NCL: variants seen among roughly 807,000 people sequenced by gnomAD.
NCL encodes nucleolin multifunctional protein.
NCL carries 4 observed loss-of-function variants against 77.7 expected under a neutral mutation model. The observed-to-expected ratio is 0.05, with a 90% CI of 0.03 to 0.12. The LOEUF is 0.12. NCL is among the 10% of genes least tolerant of loss of function. The probability of loss-of-function intolerance (pLI) is 1.00; values close to 1 mark genes in which losing one functional copy is unlikely to be tolerated. For synonymous variants in NCL, 344 were observed against 297.8 expected, an observed-to-expected ratio of 1.16 and a Z score of -1.60; for missense variants, 763 against 860.9, an observed-to-expected ratio of 0.89 and a Z score of 1.42.
Position 231,454,871 on chromosome 2 carries a change from A to T in NCL, c.*320T>A. 5.1e-6 allele frequency: 1 copy of T among 194,274 alleles called. No individual in the cohort carries two copies. Among genetic ancestry groups the T allele is most frequent in the Non-Finnish European group, 1.1e-5 (1 of 93,710 alleles). 12.0% of individuals were successfully genotyped at this position (194,274 alleles called of 1,614,324 possible). The stretch of plus-strand genomic sequence containing the variant: ...CAAAAAAAAAAAAAACAAAAACAAA[A>T]CAAAAAAAAGAAACAACAACAAAAC... On this transcript the variant is annotated 3_prime_UTR_variant, in exon 14 of 14. Coordinates refer to ENST00000322723, the MANE Select transcript of NCL (RefSeq NM_005381.3).
intron 6 of NCL, among the ~76,000 whole-genome samples, chr2:231,459,799 T>C (rs12620844): frequency 0.56 from 84,511 of 151,190 alleles, 25,883 homozygotes; most frequent in African/African-American, 0.82. Flanking sequence ...CCCAGCTACT[T>C]GGGAGGCTTA....
chr2:231,463,679 A>C, intron 1 of NCL: 1 of 212,954 alleles, frequency 4.7e-6, no homozygotes, highest in Non-Finnish European at 9.3e-6. Flanking sequence ...AAGATCATTA[A>C]GGCACTTAAA....
At chr2:231,456,532 TCACTCAGTAG>T in intron 11 of NCL, 89 bp downstream of exon 11, 1 of 1,532,464 alleles carries the variant, frequency 6.5e-7, no homozygotes, top group Non-Finnish European at 9.0e-7. Flanking sequence ...CAGTTATTGT[TCACTCAGTAG>T]CAACAGGAAA....
chr2:231,461,543 C>A lies in NCL; in HGVS notation c.610G>T (p.Asp204Tyr). The change falls in exon 3 of 14, where the codon GAT becomes TAT. Residue 204 changes from aspartate to tyrosine, a missense_variant. Coordinates refer to ENST00000322723, the MANE Select transcript of NCL (RefSeq NM_005381.3). ...AACTACCAAGACAACTCCTTACCAT[C>A]TTCCTCATCGTCATCGTCATCCTCA... ...DDEDDDDDEEDDSEEEAMETT... is the reference protein window; with the variant it reads ...DDEDDDDDEEYDSEEEAMETT... The A allele has an allele frequency of 1.2e-6, 2 of 1,613,336 alleles. No homozygotes were observed. The highest frequency in any genetic ancestry group is 8.5e-7 in the Non-Finnish European group (1 of 1,179,516).
rs1475396620 is a variant in NCL, at chr2:231,455,195, T to G, written c.2129A>C (p.Glu710Ala). Residue 710 changes from glutamate to alanine, a missense_variant, in exon 14 of 14, where the codon GAA becomes GCA. Glu to Ala is a moderately radical substitution (Grantham distance 107). Around this residue, in one of 2 missense-constraint regions of NCL, gnomAD observed 173 missense variants for 290.4 expected, o/e 0.60. Transcript: ENST00000322723. ...GGGAAAGCAGAGGGACAGAAGCTAT[T>G]CAAACTTCGTCTTCTTTCCTTGTGG... ...HKPQGKKTKF[E>A] 6.2e-7 allele frequency: 1 copy of G among 1,614,068 alleles called. No homozygotes were observed. Among genetic ancestry groups the G allele is most frequent in the African/African-American group, 1.3e-5 (1 of 74,918 alleles).
At chr2:231,460,095 G>C in intron 6 of NCL, 57 bp downstream of exon 6, 1 of 1,541,756 alleles carries the variant, frequency 6.5e-7, no homozygotes, top group Non-Finnish European at 8.8e-7. Context: ...TGTGCTAACA[G>C]GGGAAGGAAA....
chr2:231,457,302 T>G, intron 9 of NCL, 178 bp from the exon 10 acceptor site: 1 of 915,758 alleles, frequency 1.1e-6, no homozygotes, highest in Non-Finnish European at 1.8e-6. Flanking sequence ...CGTGTTGCAA[T>G]GTCCTGCTGG....
rs201820961 is a variant in NCL at position 231,457,728 on chromosome 2, G to A, written c.1362C>T (p.Ile454=). Residue 454 remains isoleucine, a synonymous_variant, in exon 9 of 14, where the codon ATC becomes ATT. Transcript: ENST00000322723. The part of the protein sequence containing the change: ...KTFEEKQGTE[I]DGRSISLYYT... ...AGTACAGGGAAATAGATCGCCCATC[G>A]ATCTCTGTTCCCTGCTTTTCTTCAA... 2.7e-5 allele frequency: 43 copies of A among 1,612,766 alleles called. No homozygotes were observed. Among genetic ancestry groups the A allele is most frequent in the African/African-American group, 5.3e-5 (4 of 74,984 alleles).
Position 231,455,087 on chromosome 2 carries a change from A to G in NCL, c.*104T>C. On this transcript the variant is annotated 3_prime_UTR_variant, in exon 14 of 14. Coordinates refer to ENST00000322723, the MANE Select transcript of NCL (RefSeq NM_005381.3). ...TTCCAAGGAGACCACAGGACTGTAT[A>G]CTGTCTTGGAATGTCCTCAGAAGGC... 2 of 1,262,678 alleles carry G rather than the reference A, an allele frequency of 1.6e-6. No individual in the cohort carries two copies. Among genetic ancestry groups the G allele is most frequent in the Non-Finnish European group, 2.3e-6 (2 of 871,410 alleles). 78.2% of individuals were successfully genotyped at this position (1,262,678 alleles called of 1,614,324 possible).
chr2:231,455,414 C>G lies in NCL; in HGVS notation c.2043G>C (p.Arg681=). ...TGCGTGCCTTACCTCCAAAGCCTCC[C>G]CGGCCTCTGCCACCAAATCCTCCTC... ...GGRGGFGGRG[R]GGFGGRGGFR... is the part of the protein sequence containing the mutation. Residue 681 remains arginine, a synonymous_variant, in exon 13 of 14, where the codon CGG becomes CGC. Coordinates refer to ENST00000322723, the MANE Select transcript of NCL (RefSeq NM_005381.3). 6.2e-7 allele frequency: 1 copy of G among 1,614,082 alleles called. No individual in the cohort carries two copies. Among genetic ancestry groups the G allele is most frequent in the Non-Finnish European group, 8.5e-7 (1 of 1,180,018 alleles).
In NCL at chr2:231,460,116, G is replaced by T; in HGVS notation, c.1040+36C>A. ...AACAGGGGAAGGAAAAGCATTAACA[G>T]ACCCACGTGTATGTAACGTGCAGTG... On this transcript the variant is annotated intron_variant, in intron 6 of 13. Transcript: ENST00000322723. 1.9e-6 allele frequency: 3 copies of T among 1,585,728 alleles called. No individual in the cohort carries two copies. In the South Asian group the frequency reaches 3.5e-5, roughly 18 times the overall value.
intron 12 of NCL, 79 bp from the exon 13 acceptor site, chr2:231,455,703 C>G (rs137866827): frequency 6.1e-6 from 9 of 1,476,818 alleles, no homozygotes; most frequent in Non-Finnish European, 8.5e-6. Flanking sequence ...TGCTGGGGAG[C>G]CATCCCACAG....
intron 1 of NCL, 58 bp from the exon 2 acceptor site, chr2:231,463,374 A>T: frequency 1.7e-6 from 2 of 1,162,270 alleles, no homozygotes; most frequent in Non-Finnish European, 2.6e-6. Context: ...GGCCATTCAT[A>T]TTTTGCCATT....
At chr2:231,461,255 G>A (rs769439679) in intron 3 of NCL, among the ~76,000 whole-genome samples, 2 of 149,346 alleles carry the variant, frequency 1.3e-5, no homozygotes, top group African/African-American at 4.9e-5. Flanking sequence ...TCCAGCCTGG[G>A]AAACAGCAAA....
chr2:231,460,773 T>A lies in NCL; in HGVS notation c.707A>T (p.Glu236Val). Residue 236 changes from glutamate to valine, a missense_variant, in exon 4 of 14, where the codon GAA becomes GTA. Physicochemically the swap from Glu to Val is moderately radical, Grantham distance 121. Transcript: ENST00000322723. ...GTCCTCATCATCCTCTTCTTCATCT[T>A]CATCCTCAGCCACGTTCTTGGCTTT... ...PVKAKNVAED[E>V]DEEEDDEDED... 1 of 1,614,146 alleles carries A rather than the reference T, an allele frequency of 6.2e-7. No homozygotes were observed. The highest frequency in any genetic ancestry group is 8.5e-7 in the Non-Finnish European group (1 of 1,179,994).
intron 1 of NCL, chr2:231,464,047 C>T: frequency 8.4e-7 from 1 of 1,191,950 alleles, no homozygotes; most frequent in East Asian, 3.6e-5. Flanking sequence ...GTACGCGTCG[C>T]AAAAGTTTGG....
At chr2:231,459,654 C>T (rs2046927170) in intron 6 of NCL, among the ~76,000 whole-genome samples, 1 of 151,948 alleles carries the variant, frequency 6.6e-6, no homozygotes, top group South Asian at 2.1e-4. Flanking sequence ...CGCCTGTAAT[C>T]CCAGCACTTC....
chr2:231,464,400 A>T lies in NCL; in HGVS notation c.-47T>A. On this transcript the variant is annotated 5_prime_UTR_variant, in exon 1 of 14. Transcript: ENST00000322723. Reference sequence around the variant, plus strand: ...GGACAAGTGGCGCAGATGAGTCCAGAAGAAGCCAAGCGACGGCGATGGCGG... The same window carrying T: ...GGACAAGTGGCGCAGATGAGTCCAGTAGAAGCCAAGCGACGGCGATGGCGG... 1 of 1,590,656 alleles carries T rather than the reference A, an allele frequency of 6.3e-7. No individual in the cohort carries two copies. Among genetic ancestry groups the T allele is most frequent in the East Asian group, 2.3e-5 (1 of 43,658 alleles).
chr2:231,456,387 G>C (rs2046888190), intron 11 of NCL: 3 of 912,284 alleles, frequency 3.3e-6, no homozygotes, highest in East Asian at 4.8e-5. Context: ...AAGCAGGTGG[G>C]GCCCAGTGGA....
Sources: allele counts gnomAD v4.1 joint callset (sites outside exome capture counted in the v4.1 genomes callset), GRCh38; gene constraint gnomAD v4.1.1; regional missense constraint gnomAD v4.1.1; transcripts MANE v1.5; gene names NCBI Gene and HGNC (gene_info 2026-07-23, HGNC 2026-07-21).